CNTN5: variants seen among roughly 807,000 people sequenced by gnomAD.
The protein encoded by CNTN5 is contactin-5.
A neutral mutation model predicts 129.1 loss-of-function variants in CNTN5; 77 were observed. The observed-to-expected ratio is 0.60, with a 90% CI of 0.50 to 0.72. CNTN5 has a LOEUF of 0.72. Among genes scored for constraint, CNTN5 ranks in the 30% least tolerant of loss-of-function variants. The pLI is 0.00. For synonymous variants in CNTN5, 509 were observed against 465.6 expected (o/e 1.09, Z -1.20); for missense variants, 1,478 against 1,328.8 (o/e 1.11, Z -1.75).
At chr11:99,831,132 A>G (rs2135608311) in intron 4 of CNTN5, among the ~76,000 whole-genome samples, 1 of 152,300 alleles carries the variant, frequency 6.6e-6, no homozygotes, top group African/African-American at 2.4e-5. Flanking sequence ...TGAATTTTAA[A>G]TCATGATAAC....
intron 3 of CNTN5, among the ~76,000 whole-genome samples, chr11:99,620,685 T>C (rs12789715): frequency 6.6e-6 from 1 of 151,456 alleles, no homozygotes; most frequent in African/African-American, 2.4e-5. Context: ...GCATAGAAAA[T>C]CAAACGATGG....
At chr11:99,480,803 C>A (rs1165374222) in intron 2 of CNTN5, among the ~76,000 whole-genome samples, 1 of 152,098 alleles carries the variant, frequency 6.6e-6, no homozygotes, top group East Asian at 1.9e-4. Context: ...TGAGGTATTT[C>A]TGTGGCTTAC....
chr11:99,949,564 C>A (rs1189490073), intron 7 of CNTN5, among the ~76,000 whole-genome samples: 4 of 152,148 alleles, frequency 2.6e-5, no homozygotes, highest in Non-Finnish European at 4.4e-5. Flanking sequence ...CTGACTCTTG[C>A]ACACTGTTGA....
chr11:99,935,898 G>A (rs67277244), intron 7 of CNTN5, among the ~76,000 whole-genome samples: 46,338 of 151,924 alleles, frequency 0.31, 8,222 homozygotes, highest in South Asian at 0.4. Context: ...AAGAGAACAA[G>A]TATATTTCCT....
chr11:99,827,612 C>G (rs1947005609), intron 4 of CNTN5, among the ~76,000 whole-genome samples: 1 of 152,104 alleles, frequency 6.6e-6, no homozygotes, highest in African/African-American at 2.4e-5. Flanking sequence ...TTTGTTAGGT[C>G]TGTTTTGGCC....
rs1404661141 is a variant in CNTN5, at chr11:99,499,801, G to A, written c.-70-56344G>A. Among the ~76,000 whole-genome samples, 4 of 152,016 alleles carry A rather than the reference G, an allele frequency of 2.6e-5. No individual in the cohort carries two copies. In the East Asian group the frequency reaches 7.7e-4, roughly 29 times the overall value. ...TCAATTGAACAGTTATATTTTTCAG[G>A]CCATATTGTTTTCTGTTTTTGATGT... On this transcript the variant is annotated intron_variant, in intron 2 of 24. Transcript: ENST00000524871.
intron 13 of CNTN5, among the ~76,000 whole-genome samples, chr11:100,131,994 A>C (rs1195529056): frequency 6.6e-6 from 1 of 152,094 alleles, no homozygotes; most frequent in Non-Finnish European, 1.5e-5. Flanking sequence ...TAGAATGTAC[A>C]CAGGCGCAGT....
At chr11:99,051,511 C>A (rs1864426747) in intron 1 of CNTN5, among the ~76,000 whole-genome samples, 1 of 152,042 alleles carries the variant, frequency 6.6e-6, no homozygotes, top group South Asian at 2.1e-4. Flanking sequence ...ACCAAGGGGA[C>A]TTCCATTACT....
intron 1 of CNTN5, among the ~76,000 whole-genome samples, chr11:99,255,415 A>T (rs1270022765): frequency 1.3e-5 from 2 of 151,690 alleles, no homozygotes; most frequent in African/African-American, 4.8e-5. Flanking sequence ...TGACATACAA[A>T]GTGAAGAAAG....
chr11:99,580,130 A>G (rs186339386), intron 3 of CNTN5, among the ~76,000 whole-genome samples: 1 of 152,162 alleles, frequency 6.6e-6, no homozygotes, highest in Admixed American at 6.6e-5. Flanking sequence ...GCTGGATTAC[A>G]TTTATTGATT....
At chr11:99,404,525 T>G (rs1941985674) in intron 2 of CNTN5, among the ~76,000 whole-genome samples, 1 of 152,002 alleles carries the variant, frequency 6.6e-6, no homozygotes, top group Non-Finnish European at 1.5e-5. Flanking sequence ...CCATTATATA[T>G]TTTTTGGTTT....
At chr11:99,136,918 A>G (rs1425940723) in intron 1 of CNTN5, among the ~76,000 whole-genome samples, 1 of 152,154 alleles carries the variant, frequency 6.6e-6, no homozygotes, top group Non-Finnish European at 1.5e-5. Context: ...CCATATGGAA[A>G]ACATAATTTA....
chr11:99,870,660 A>C (rs886191322), intron 6 of CNTN5, among the ~76,000 whole-genome samples: 2 of 152,130 alleles, frequency 1.3e-5, no homozygotes, highest in African/African-American at 2.4e-5. Context: ...CATTTAAAAT[A>C]GCAATGTTTT....
At chr11:99,193,885 A>G (rs1250691088) in intron 1 of CNTN5, among the ~76,000 whole-genome samples, 1 of 152,222 alleles carries the variant, frequency 6.6e-6, no homozygotes, top group Non-Finnish European at 1.5e-5. Flanking sequence ...AAAAGTCAGA[A>G]GACACAAACA....
At chr11:99,094,841 GT>G (rs756339075) in intron 1 of CNTN5, among the ~76,000 whole-genome samples, 10 of 151,856 alleles carry the variant, frequency 6.6e-5, no homozygotes, top group Non-Finnish European at 1.3e-4. Flanking sequence ...AGTCATTAGT[GT>G]GAGAAAGGAG....
intron 3 of CNTN5, among the ~76,000 whole-genome samples, chr11:99,657,398 G>A (rs1294720199): frequency 2.0e-5 from 3 of 152,082 alleles, no homozygotes; most frequent in African/African-American, 4.8e-5. Context: ...TCTAAGGACC[G>A]GAAGTACACA....
At chr11:99,028,709 TAA>T (rs1324905978) in intron 1 of CNTN5, among the ~76,000 whole-genome samples, 1 of 108,180 alleles carries the variant, frequency 9.2e-6, no homozygotes, top group Non-Finnish European at 2.0e-5. Context: ...AAACTCAAGG[TAA>T]AAATGAATGT....
chr11:99,104,808 G>T (rs1466748099), intron 1 of CNTN5, among the ~76,000 whole-genome samples: 2 of 151,914 alleles, frequency 1.3e-5, no homozygotes, highest in Non-Finnish European at 2.9e-5. Flanking sequence ...TTTAAAGAAG[G>T]TACCCAAAAG....
At chr11:99,424,191 G>A (rs971943317) in intron 2 of CNTN5, among the ~76,000 whole-genome samples, 3 of 152,170 alleles carry the variant, frequency 2.0e-5, no homozygotes, top group African/African-American at 7.2e-5. Context: ...CAATACTCTT[G>A]TACTTTGGTG....
Sources: allele counts gnomAD v4.1 joint callset (sites outside exome capture counted in the v4.1 genomes callset), GRCh38; gene constraint gnomAD v4.1.1; transcripts MANE v1.5; gene names NCBI Gene and HGNC (gene_info 2026-07-23, HGNC 2026-07-21).